The following GSE1 variants were observed in gnomAD, a reference collection of about 807,000 sequenced individuals.
GSE1 encodes Gse1 coiled-coil protein, also known as genetic suppressor element 1.
GSE1 carries 32 observed loss-of-function variants against 112.6 expected under a neutral mutation model. The ratio of observed to expected loss-of-function variants is 0.28; its 90% CI spans 0.21 to 0.38. The LOEUF (loss-of-function observed/expected upper bound fraction) is 0.38. Among genes scored for constraint, GSE1 ranks in the 10% least tolerant of loss-of-function variants. The pLI is 1.00. For synonymous variants in GSE1, 1,115 were observed against 735.6 expected (o/e 1.52, Z -8.35); for missense variants, 2,348 against 1,699.2 (o/e 1.38, Z -6.71).
chr16:85,551,245 G>A (rs1477708459), upstream of GSE1, among the ~76,000 whole-genome samples: 2 of 152,230 alleles, frequency 1.3e-5, no homozygotes, highest in Admixed American at 6.5e-5. Flanking sequence ...GAGAGAGACA[G>A]AGACATCCTT....
intron 2 of GSE1, among the ~76,000 whole-genome samples, chr16:85,500,183 C>A (rs1044923678): frequency 6.6e-6 from 1 of 152,200 alleles, no homozygotes; most frequent in African/African-American, 2.4e-5. Context: ...CAGAGCGAGG[C>A]CCGCTCAGTC....
chr16:85,636,742 C>A (rs556430119), intron 2 of GSE1, among the ~76,000 whole-genome samples: 2 of 152,310 alleles, frequency 1.3e-5, no homozygotes, highest in Admixed American at 6.5e-5. Context: ...GTGGTCCCGG[C>A]GGTCCCTGCT....
intron 1 of GSE1, among the ~76,000 whole-genome samples, chr16:85,256,250 C>T (rs917698490): frequency 1.3e-5 from 2 of 152,148 alleles, no homozygotes; most frequent in African/African-American, 2.4e-5. Flanking sequence ...AACAACCCAA[C>T]AAACATGTGA....
At chr16:85,487,661 C>A (rs2050884735) in intron 2 of GSE1, among the ~76,000 whole-genome samples, 1 of 151,832 alleles carries the variant, frequency 6.6e-6, no homozygotes, top group Non-Finnish European at 1.5e-5. Context: ...CCCCGCGATA[C>A]AACCTTGATG....
chr16:85,176,657 C>A lies in GSE1; in HGVS notation c.2283+4850C>A, dbSNP rs532641597. Among the ~76,000 whole-genome samples the A allele has an allele frequency of 2.6e-5, 4 of 152,396 alleles. No homozygotes were observed. The East Asian group carries it at 7.7e-4, about 29-fold the overall frequency. ...AGAGCATTCTGGTTAATGGCGCATG[C>A]AGCTGTTTACCTAACCATACCCCAG... is the stretch of plus-strand genomic sequence containing the variant. On this transcript the variant is annotated intron_variant, in intron 1 of 2. Coordinates refer to the GSE1 transcript ENST00000637419.
intron 2 of GSE1, among the ~76,000 whole-genome samples, chr16:85,507,299 G>C (rs1472174890): frequency 1.3e-5 from 2 of 152,140 alleles, no homozygotes; most frequent in South Asian, 4.1e-4. Context: ...CGTGGTATCC[G>C]GTTTGGAAAC....
rs148965060 is a variant in GSE1 at position 85,190,378 on chromosome 16, T to C, written c.2283+18571T>C. Among the ~76,000 whole-genome samples the C allele has an allele frequency of 1.2e-3, 186 of 152,380 alleles. 1 individual carries two copies. The highest frequency in any genetic ancestry group is 4.4e-3 in the African/African-American group (182 of 41,586). On this transcript the variant is annotated intron_variant, in intron 1 of 2. Transcript: ENST00000637419. ...TAGTGGCTGTGTTATTTGGAGCATA[T>C]GCATTTAATAATATTGTGTTTCATT... is the stretch of plus-strand genomic sequence containing the variant.
At chr16:85,288,988 GGCTCT>G (rs2045125043) in intron 1 of GSE1, among the ~76,000 whole-genome samples, 5 of 152,200 alleles carry the variant, frequency 3.3e-5, no homozygotes, top group African/African-American at 1.2e-4. Context: ...AATGGTGTCA[GGCTCT>G]CCTGAGCCTC....
intron 2 of GSE1, among the ~76,000 whole-genome samples, chr16:85,511,886 T>C (rs1202265455): frequency 6.6e-6 from 1 of 152,184 alleles, no homozygotes; most frequent in South Asian, 2.1e-4. Flanking sequence ...GTCCAACTTT[T>C]GGCCTCCAGA....
At chr16:85,267,063 C>T (rs1360939544) in intron 1 of GSE1, among the ~76,000 whole-genome samples, 8 of 152,166 alleles carry the variant, frequency 5.3e-5, no homozygotes, top group Admixed American at 1.3e-4. Flanking sequence ...GCAGGGGATG[C>T]GTCTCCCGCT....
chr16:85,479,377 C>T (rs1284991510), intron 2 of GSE1, among the ~76,000 whole-genome samples: 1 of 151,502 alleles, frequency 6.6e-6, no homozygotes, highest in Non-Finnish European at 1.5e-5. Flanking sequence ...TCATGTTGGC[C>T]AGGCTGGTCT....
chr16:85,358,455 G>A (rs906782460), intron 2 of GSE1, among the ~76,000 whole-genome samples: 2 of 152,200 alleles, frequency 1.3e-5, no homozygotes, highest in East Asian at 1.9e-4. Flanking sequence ...CCCACAGCAC[G>A]GGAGACTTGA....
intron 2 of GSE1, among the ~76,000 whole-genome samples, chr16:85,457,266 G>C (rs549545332): frequency 2.5e-4 from 38 of 152,318 alleles, no homozygotes; most frequent in African/African-American, 8.7e-4. Context: ...CCCAGAGCAA[G>C]GAAGATGCTC....
chr16:85,408,092 GGC>G (rs1397395864), intron 2 of GSE1, among the ~76,000 whole-genome samples: 13 of 48,134 alleles, frequency 2.7e-4, no homozygotes, highest in Non-Finnish European at 3.8e-4. Flanking sequence ...TTACACTCAG[GGC>G]CCCCCTGGAT....
chr16:85,539,221 G>A (rs1255195185), intron 2 of GSE1, among the ~76,000 whole-genome samples: 1 of 152,204 alleles, frequency 6.6e-6, no homozygotes, highest in Non-Finnish European at 1.5e-5. Flanking sequence ...AAAAAGCCTG[G>A]ATCTCTCCAC....
In GSE1 at chr16:85,657,273, A is replaced by G. The variant is rs746308582; in HGVS notation, c.1313-4A>G. 1.3e-6 allele frequency: 2 copies of G among 1,483,852 alleles called. No individual in the cohort carries two copies. The highest frequency in any genetic ancestry group is 2.6e-5 in the South Asian group (2 of 77,924). 91.9% of individuals were successfully genotyped at this position (1,483,852 alleles called of 1,614,324 possible). ...ATCCTGCTTGACCGTGTTTCCCCCC[A>G]CAGAGAAGCTGAAGGATGCCGGCCT... is the stretch of plus-strand genomic sequence containing the variant. On this transcript the variant is annotated splice_polypyrimidine_tract_variant and splice_region_variant and intron_variant, in intron 7 of 15. Coordinates refer to ENST00000253458, the MANE Select transcript of GSE1 (RefSeq NM_014615.5).
chr16:85,413,349 G>T (rs2151720709), intron 2 of GSE1, among the ~76,000 whole-genome samples: 1 of 152,310 alleles, frequency 6.6e-6, no homozygotes, highest in South Asian at 2.1e-4. Flanking sequence ...GCCATGGAGG[G>T]AGGGTCCAGG....
intron 1 of GSE1, among the ~76,000 whole-genome samples, chr16:85,328,284 G>A (rs2046266850): frequency 1.3e-5 from 2 of 152,322 alleles, no homozygotes; most frequent in South Asian, 2.1e-4. Context: ...TCCAGGGTGG[G>A]GCTGTCACCC....
intron 1 of GSE1, among the ~76,000 whole-genome samples, chr16:85,558,495 A>G (rs2045347028): frequency 6.6e-6 from 1 of 152,200 alleles, no homozygotes; most frequent in Admixed American, 6.5e-5. Context: ...ACTCAGAAAG[A>G]GGAGGAGGAA....
Sources: gnomAD v4.1 joint callset for allele counts (sites outside exome capture counted in the v4.1 genomes callset) on GRCh38, gnomAD v4.1.1 for gene constraint, MANE v1.5 for transcripts, NCBI Gene and HGNC (gene_info 2026-07-23, HGNC 2026-07-21) for gene names.